The following PHKA2 variants were observed in gnomAD, a reference collection of about 807,000 sequenced individuals.
PHKA2 encodes the protein phosphorylase kinase regulatory subunit alpha 2, also known as phosphorylase b kinase regulatory subunit alpha, liver isoform.
A neutral mutation model predicts 102.0 loss-of-function variants in PHKA2; 31 were observed. The observed-to-expected ratio is 0.30, with a 90% CI of 0.23 to 0.41. The LOEUF (loss-of-function observed/expected upper bound fraction) is 0.41. Among genes scored for constraint, PHKA2 ranks in the 10% least tolerant of loss-of-function variants. The probability of loss-of-function intolerance (pLI) is 1.00; values close to 1 mark genes in which losing one functional copy is unlikely to be tolerated. For missense variants in PHKA2, 858 were observed against 1,023.1 expected, an observed-to-expected ratio of 0.84 and a Z score of 2.20; for synonymous variants, 455 against 416.2, an observed-to-expected ratio of 1.09 and a Z score of -1.13.
intron 1 of PHKA2, among the ~76,000 whole-genome samples, chrX:18,972,673 T>C (rs1391265670): frequency 8.9e-6 from 1 of 112,271 alleles, no homozygotes; most frequent in Non-Finnish European, 1.9e-5. Flanking sequence ...TACGAATTGT[T>C]TGTGGCTGCC....
At chrX:18,939,971 T>G (rs2048464231) in intron 9 of PHKA2, 24 bp downstream of exon 9, 8 of 1,070,153 alleles carry the variant, frequency 7.5e-6, no homozygotes, top group East Asian at 6.0e-5. Context: ...TGAGGAAAGA[T>G]AAGAAACAAT....
chrX:18,924,851 G>T (rs1431106540), intron 15 of PHKA2, among the ~76,000 whole-genome samples: 3 of 112,157 alleles, frequency 2.7e-5, no homozygotes, highest in African/African-American at 9.7e-5. Context: ...ATCCTTCCAG[G>T]GCTATGGGTT....
At chrX:18,912,287 A>G (rs1319507995) in intron 19 of PHKA2, among the ~76,000 whole-genome samples, 9 of 112,032 alleles carry the variant, frequency 8.0e-5, no homozygotes, top group Non-Finnish European at 1.9e-5. Flanking sequence ...CAAATTCCTC[A>G]CTGCATGAAC....
intron 15 of PHKA2, 133 bp from the exon 16 acceptor site, chrX:18,924,658 A>T: frequency 1.6e-6 from 1 of 613,754 alleles, no homozygotes. Flanking sequence ...CAATCCACCC[A>T]GTCATGGGGC....
At chrX:18,918,154 G>T (rs2048051989) in intron 19 of PHKA2, among the ~76,000 whole-genome samples, 1 of 111,512 alleles carries the variant, frequency 9.0e-6, no homozygotes, top group Non-Finnish European at 1.9e-5. Context: ...TCACCGATAC[G>T]ACTGAGCTTG....
Position 18,894,349 on chromosome X carries a change from A to G in PHKA2, c.3392T>C (p.Val1131Ala), listed in dbSNP as rs1349426749. 3.3e-6 allele frequency: 4 copies of G among 1,210,198 alleles called. No homozygotes were observed. The highest frequency in any genetic ancestry group is 3.4e-6 in the Non-Finnish European group (3 of 895,147). Residue 1131 changes from valine (V) to alanine (A), a missense_variant, in exon 32 of 33, where the codon GTG (valine) becomes GCG (alanine). Val to Ala is a moderately conservative substitution (Grantham distance 64). Coordinates refer to ENST00000379942, the MANE Select transcript of PHKA2 (RefSeq NM_000292.3). ...CAGCTGCCGGTACTCGGGCTGCGGC[A>G]CGCGGTTCAGCACCGATTCGACATG... ...AVHVESVLNR[V>A]PQPEYRQLLV... is the part of the protein sequence containing the mutation.
At chrX:18,934,727 T>C (rs892899736) in intron 11 of PHKA2, among the ~76,000 whole-genome samples, 1 of 112,631 alleles carries the variant, frequency 8.9e-6, no homozygotes, top group African/African-American at 3.2e-5. Context: ...TTAAAATTTA[T>C]ATTCTATGGA....
intron 15 of PHKA2, 35 bp downstream of exon 15, chrX:18,925,633 T>TA (rs756013971): frequency 9.6e-5 from 79 of 825,253 alleles, no homozygotes; most frequent in Non-Finnish European, 1.4e-4. Flanking sequence ...AAAGAGAACT[T>TA]AAAAAAAAGA....
At chrX:18,976,413 A>AT (rs1457670718) in intron 1 of PHKA2, among the ~76,000 whole-genome samples, 1 of 111,540 alleles carries the variant, frequency 9.0e-6, no homozygotes, top group Non-Finnish European at 1.9e-5. Flanking sequence ...TCAGGATTTA[A>AT]TTTTTTCTTA....
rs756884434 is a variant in PHKA2 at position 18,900,749 on chromosome X, C to A, written c.3028-50G>T. 23 of 1,101,769 alleles carry A rather than the reference C, an allele frequency of 2.1e-5. No individual in the cohort carries two copies. In the East Asian group the frequency reaches 6.9e-4, roughly 33 times the overall value. 90.8% of individuals were successfully genotyped at this position (1,101,769 alleles called of 1,213,427 possible). On this transcript the variant is annotated intron_variant, in intron 27 of 32. Transcript: ENST00000379942. ...ATCAAAACCAGCTTTGAGCCAAGAA[C>A]GCGTGCTTCTTCTATTGCCCTCTCT...
chrX:18,964,075 T>C (rs2048905277), intron 1 of PHKA2, among the ~76,000 whole-genome samples: 1 of 111,430 alleles, frequency 9.0e-6, no homozygotes, highest in African/African-American at 3.3e-5. Flanking sequence ...CTAAATCCCT[T>C]TGATTGCCAT....
rs1601685491 is a variant in PHKA2, at chrX:18,893,596, G to T, written c.3597C>A (p.Phe1199Leu). 1 of 1,211,681 alleles carries T rather than the reference G, an allele frequency of 8.3e-7. No homozygotes were observed. The highest frequency in any genetic ancestry group is 1.1e-6 in the Non-Finnish European group (1 of 895,101). The change falls in exon 33 of 33, where the codon TTC (phenylalanine) becomes TTA (leucine). Residue 1199 changes from phenylalanine (F) to leucine (L), a missense_variant. By Grantham distance (22) the Phe-to-Leu change is conservative (BLOSUM62 0). Around this residue, in one of 2 missense-constraint regions of PHKA2, gnomAD observed 671 missense variants for 745.2 expected, o/e 0.90. Coordinates refer to ENST00000379942, the MANE Select transcript of PHKA2 (RefSeq NM_000292.3). ...EKDQATGICH[F>L]FYDSAPSGAY... ...CCCCACTCGGAGCGCTGTCATAAAA[G>T]AAGTGGCAGATTCCTGTGGCTTGGT... is the stretch of plus-strand genomic sequence containing the variant.
intron 4 of PHKA2, 29 bp from the exon 5 acceptor site, chrX:18,948,855 A>C: frequency 1.0e-6 from 1 of 990,561 alleles, no homozygotes; most frequent in South Asian, 1.9e-5. Flanking sequence ...GAGGTTATGA[A>C]GCCATGTTGC....
intron 1 of PHKA2, among the ~76,000 whole-genome samples, chrX:18,955,389 T>C (rs1033763995): frequency 1.8e-5 from 2 of 109,771 alleles, no homozygotes; most frequent in Non-Finnish European, 3.8e-5. Flanking sequence ...TTTTTTTTTT[T>C]TTTGGTGATG....
At chrX:18,895,309 T>C (rs750952080) in intron 30 of PHKA2, 118 bp from the exon 31 acceptor site, 53 of 635,394 alleles carry the variant, frequency 8.3e-5, no homozygotes, top group Non-Finnish European at 1.2e-4. Flanking sequence ...ATATGAGGGC[T>C]GGGACACGCC....
intron 26 of PHKA2, among the ~76,000 whole-genome samples, chrX:18,904,318 A>T (rs750602833): frequency 1.6e-4 from 18 of 112,261 alleles, no homozygotes; most frequent in African/African-American, 5.2e-4. Context: ...TTTAATCAAA[A>T]TTCTAAGCCT....
rs36092377 is a variant in PHKA2 at position 18,966,332 on chromosome X, TC to T, written c.79-11921del. On this transcript the variant is annotated intron_variant, in intron 1 of 32. Coordinates refer to ENST00000379942, the MANE Select transcript of PHKA2 (RefSeq NM_000292.3). Reference sequence around the variant, plus strand: ...GTCTTGAGCTCCTGACCTCAAGTGATCCCCCCGCCTTGGCCTCCCAAAGTGC... The same window carrying T: ...GTCTTGAGCTCCTGACCTCAAGTGATCCCCCGCCTTGGCCTCCCAAAGTGC... Among the ~76,000 whole-genome samples, 3 of 109,503 alleles carry T rather than the reference TC, an allele frequency of 2.7e-5. No homozygotes were observed. In the Admixed American group the frequency reaches 2.9e-4, roughly 11 times the overall value.
chrX:18,911,019 T>C, intron 19 of PHKA2, 59 bp from the exon 20 acceptor site: 7 of 795,164 alleles, frequency 8.8e-6, no homozygotes, highest in African/African-American at 4.1e-5. Flanking sequence ...ACTTTTTTTT[T>C]TTTTGAGACA....
chrX:18,950,729 C>T (rs964197350), intron 4 of PHKA2, among the ~76,000 whole-genome samples: 6 of 112,603 alleles, frequency 5.3e-5, no homozygotes, highest in Admixed American at 9.3e-5. Context: ...CCATAAGAGG[C>T]GATTAGGCCC....
Sources: allele counts gnomAD v4.1 joint callset (sites outside exome capture counted in the v4.1 genomes callset), GRCh38; gene constraint gnomAD v4.1.1; regional missense constraint gnomAD v4.1.1; transcripts MANE v1.5; gene names NCBI Gene and HGNC (gene_info 2026-07-23, HGNC 2026-07-21).